PPFIA2: variants seen among roughly 807,000 people sequenced by gnomAD.
PPFIA2 encodes liprin-alpha-2.
In PPFIA2, 46 loss-of-function variants were observed where a neutral mutation model predicts 175.5. The observed-to-expected ratio is 0.26, with a 90% CI of 0.21 to 0.34. The LOEUF is 0.34. Ranked by LOEUF, PPFIA2 falls within the 10% of genes least tolerant of loss-of-function variation. PPFIA2 has a pLI of 1.00. For missense variants in PPFIA2, 1,179 were observed against 1,506.1 expected, an observed-to-expected ratio of 0.78 and a Z score of 3.60; for synonymous variants, 568 against 511.4, an observed-to-expected ratio of 1.11 and a Z score of -1.49.
At chr12:81,655,179 T>C (rs566992422) in intron 4 of PPFIA2, among the ~76,000 whole-genome samples, 2 of 152,144 alleles carry the variant, frequency 1.3e-5, no homozygotes, top group African/African-American at 4.8e-5. Flanking sequence ...CTATTGTTTA[T>C]CTGCACCTTC....
At chr12:81,663,313 C>T (rs1158553488) in intron 4 of PPFIA2, among the ~76,000 whole-genome samples, 2 of 152,148 alleles carry the variant, frequency 1.3e-5, no homozygotes, top group African/African-American at 2.4e-5. Flanking sequence ...CCAAAACCTC[C>T]TTAAGCTGAT....
At chr12:81,672,883 T>C (rs899916024) in intron 4 of PPFIA2, among the ~76,000 whole-genome samples, 2 of 152,018 alleles carry the variant, frequency 1.3e-5, no homozygotes, top group Non-Finnish European at 2.9e-5. Context: ...TCATGTAGTC[T>C]CTTTATTAGA....
chr12:81,667,034 T>C (rs2153558470), intron 4 of PPFIA2, among the ~76,000 whole-genome samples: 1 of 152,258 alleles, frequency 6.6e-6, no homozygotes, highest in East Asian at 1.9e-4. Flanking sequence ...TGACTCTATG[T>C]GTACACTTGA....
chr12:81,480,041 C>T (rs1287448894), intron 4 of PPFIA2, among the ~76,000 whole-genome samples: 6 of 152,146 alleles, frequency 3.9e-5, no homozygotes, highest in Admixed American at 3.9e-4. Flanking sequence ...CTTTCAGGTA[C>T]ACCAATCAAA....
intron 24 of PPFIA2, among the ~76,000 whole-genome samples, chr12:81,286,324 G>A (rs768311566): frequency 7.2e-5 from 11 of 152,000 alleles, no homozygotes; most frequent in Admixed American, 2.0e-4. Context: ...AAAGTATAGT[G>A]TTTATAAAGT....
At chr12:81,351,169 T>TC (rs1375891122) in intron 17 of PPFIA2, among the ~76,000 whole-genome samples, 1 of 152,176 alleles carries the variant, frequency 6.6e-6, no homozygotes, top group African/African-American at 2.4e-5. Context: ...ATGAAAACCA[T>TC]CTATTATTAG....
chr12:81,551,523 T>C (rs2067920181), intron 4 of PPFIA2, among the ~76,000 whole-genome samples: 1 of 151,966 alleles, frequency 6.6e-6, no homozygotes, highest in South Asian at 2.1e-4. Flanking sequence ...TTACATAGTA[T>C]TCGCATTGTA....
At position 81,747,101 on chromosome 12, in the gene PPFIA2, T is replaced by C. The variant is rs1211110881; in HGVS notation, c.249+6872A>G. On this transcript the variant is annotated intron_variant, in intron 3 of 32. Transcript: ENST00000549396. ...AAAAAGAAAAAGAAGCAATGAGCAA[T>C]ACAGAAAGCAAGCAGATATTTTATT... Among the ~76,000 whole-genome samples the C allele has an allele frequency of 2.8e-5, 4 of 143,118 alleles. 1 individual carries two copies. The highest frequency in any genetic ancestry group is 9.8e-5 in the African/African-American group (4 of 40,850). The allele number at this position is 143,118 out of a possible 152,430, so 93.9% of individuals were successfully genotyped here.
chr12:81,661,258 T>A (rs978708921), intron 4 of PPFIA2, among the ~76,000 whole-genome samples: 1 of 152,072 alleles, frequency 6.6e-6, no homozygotes, highest in African/African-American at 2.4e-5. Context: ...ACTGGCAAAC[T>A]GGATAAAGAG....
chr12:81,589,372 T>C (rs1332595347), intron 4 of PPFIA2, among the ~76,000 whole-genome samples: 1 of 152,084 alleles, frequency 6.6e-6, no homozygotes, highest in Non-Finnish European at 1.5e-5. Context: ...TTTCCTTGAG[T>C]TGCCCTTTAT....
intron 4 of PPFIA2, among the ~76,000 whole-genome samples, chr12:81,473,450 A>G (rs182452455): frequency 2.2e-4 from 34 of 152,306 alleles, no homozygotes; most frequent in African/African-American, 8.2e-4. Context: ...AGCAAAATAT[A>G]TAACTGGGTA....
intron 4 of PPFIA2, chr12:81,472,966 A>G (rs1325647974): frequency 2.0e-5 from 3 of 152,220 alleles, no homozygotes; most frequent in Admixed American, 2.0e-4. Context: ...CTCACATATT[A>G]TCTTAATCTT....
intron 4 of PPFIA2, chr12:81,545,178 A>G (rs1273454819): frequency 6.6e-6 from 1 of 151,996 alleles, no homozygotes; most frequent in Non-Finnish European, 1.5e-5. Context: ...ACAATATACA[A>G]GTATTTGGTT....
intron 4 of PPFIA2, among the ~76,000 whole-genome samples, chr12:81,665,882 A>T (rs1238620925): frequency 2.6e-5 from 4 of 152,188 alleles, no homozygotes; most frequent in African/African-American, 7.2e-5. Flanking sequence ...AAGGGCTAAT[A>T]TCCAGAATCT....
chr12:81,626,460 G>A (rs905565790), intron 4 of PPFIA2, among the ~76,000 whole-genome samples: 1 of 151,818 alleles, frequency 6.6e-6, no homozygotes, highest in Non-Finnish European at 1.5e-5. Context: ...TTTAACAAAT[G>A]GCATAATCTT....
intron 3 of PPFIA2, among the ~76,000 whole-genome samples, chr12:81,727,540 A>G (rs1426782728): frequency 1.3e-5 from 2 of 151,366 alleles, no homozygotes; most frequent in Non-Finnish European, 3.0e-5. Context: ...AGTCAAACAG[A>G]GGCATCTGAG....
At chr12:81,672,213 A>G (rs2071556682) in intron 4 of PPFIA2, among the ~76,000 whole-genome samples, 1 of 152,016 alleles carries the variant, frequency 6.6e-6, no homozygotes, top group Admixed American at 6.6e-5. Flanking sequence ...TTAAATTAGG[A>G]CACGATTCAG....
intron 8 of PPFIA2, among the ~76,000 whole-genome samples, chr12:81,404,381 T>G (rs759403643): frequency 1.3e-5 from 2 of 152,202 alleles, no homozygotes; most frequent in Admixed American, 6.5e-5. Flanking sequence ...TCTATAATTC[T>G]CTGAGGAGAG....
intron 4 of PPFIA2, among the ~76,000 whole-genome samples, chr12:81,639,371 C>G (rs2064617146): frequency 6.6e-6 from 1 of 151,894 alleles, no homozygotes; most frequent in Non-Finnish European, 1.5e-5. Context: ...ATAGAAACTA[C>G]AATAGAACAT....
Sources: gnomAD v4.1 joint callset for allele counts (sites outside exome capture counted in the v4.1 genomes callset) on GRCh38, gnomAD v4.1.1 for gene constraint, MANE v1.5 for transcripts, NCBI Gene and HGNC (gene_info 2026-07-23, HGNC 2026-07-21) for gene names.